Variants in PHLDB3 observed in about 807,000 individuals in gnomAD.
PHLDB3 encodes pleckstrin homology-like domain family B member 3.
Under a neutral mutation model 85.7 loss-of-function variants are expected in PHLDB3, and 86 were observed. That is an observed-to-expected ratio of 1.00 (90% CI 0.84 to 1.20). The LOEUF is 1.20. Ranked by LOEUF, PHLDB3 falls within the 50% of genes most tolerant of loss-of-function variation. The pLI is 0.00. For synonymous variants in PHLDB3, 376 were observed against 349.8 expected, an observed-to-expected ratio of 1.07 and a Z score of -0.83; for missense variants, 995 against 873.0, an observed-to-expected ratio of 1.14 and a Z score of -1.76.
intron 4 of PHLDB3, among the ~76,000 whole-genome samples, chr19:43,500,915 CCCCCA>C (rs1971576805): frequency 9.1e-6 from 1 of 109,458 alleles, no homozygotes; most frequent in Non-Finnish European, 2.0e-5. Flanking sequence ...CCGTACCCCC[CCCCCA>C]CCCCGCAAGT....
chr19:43,491,550 G>C (rs936267575), intron 9 of PHLDB3, among the ~76,000 whole-genome samples: 9 of 151,856 alleles, frequency 5.9e-5, no homozygotes, highest in Non-Finnish European at 7.4e-5. Flanking sequence ...TGCCCAGGCT[G>C]TCATGCAGTG....
At chr19:43,499,157 T>C (rs536502753) in intron 4 of PHLDB3, among the ~76,000 whole-genome samples, 1 of 150,874 alleles carries the variant, frequency 6.6e-6, no homozygotes, top group Admixed American at 6.6e-5. Context: ...GAAAAATAGA[T>C]GGACTAGACA....
chr19:43,495,627 C>G lies in PHLDB3; in HGVS notation c.826-7G>C. 6.2e-7 allele frequency: 1 copy of G among 1,605,332 alleles called. No homozygotes were observed. The highest frequency in any genetic ancestry group is 8.5e-7 in the Non-Finnish European group (1 of 1,176,268). ...GGTGCTGCAGAGCACCCCTCTGTCCCGGTTACTCATCTGTCACGGCCCCAG... is the reference window on the plus strand; with the variant it reads ...GGTGCTGCAGAGCACCCCTCTGTCCGGGTTACTCATCTGTCACGGCCCCAG... On this transcript the variant is annotated splice_polypyrimidine_tract_variant and splice_region_variant and intron_variant, in intron 6 of 15. Coordinates refer to ENST00000292140, the MANE Select transcript of PHLDB3 (RefSeq NM_198850.4).
At position 43,489,500 on chromosome 19, in the gene PHLDB3, T is replaced by C. The variant is rs1409581816; in HGVS notation, c.1150-2377A>G. 2.6e-5 allele frequency among the ~76,000 whole-genome samples: 4 copies of C among 151,868 alleles called. No homozygotes were observed. The East Asian group carries it at 5.8e-4, about 22-fold the overall frequency. ...TATCTCTGGGGAACACATGGGAAAT[T>C]GGTAACCCTGGTGGCCCTCAGGAAG... On this transcript the variant is annotated intron_variant, in intron 9 of 15. Coordinates refer to ENST00000292140, the MANE Select transcript of PHLDB3 (RefSeq NM_198850.4).
In PHLDB3 at chr19:43,479,559, C is replaced by T. The variant is rs1428651958; in HGVS notation, c.1520G>A (p.Arg507Gln). The change falls in exon 14 of 16, where the codon CGA (arginine) becomes CAA (glutamine). Residue 507 changes from arginine to glutamine, a missense_variant. Arg to Gln is a conservative substitution (Grantham distance 43, BLOSUM62 1). Transcript: ENST00000292140. The part of the protein sequence containing the change: ...PPTPPHPPGP[R>Q]ILDLRQHLEG... The stretch of plus-strand genomic sequence containing the variant: ...CAGATGCTGCCGGAGATCCAAGATT[C>T]GCGGGCCTGGAGGGTGGGGTGGGGT... 1.2e-5 allele frequency: 8 copies of T among 691,690 alleles called. No homozygotes were observed. Among genetic ancestry groups the T allele is most frequent in the East Asian group, 7.3e-5 (1 of 13,702 alleles). The allele number at this position is 691,690 out of a possible 1,614,324, so 42.8% of individuals were successfully genotyped here. A position where few individuals can be genotyped will look rare whatever the true frequency, so the allele number is the denominator to read the frequency against.
chr19:43,504,574 C>T lies in PHLDB3; in HGVS notation c.-15+15G>A. ...GACCCCACTGTGCAGGGCAACCGTG[C>T]CCACGCCGCCTCACCCAGGGATCCA... is the stretch of plus-strand genomic sequence containing the variant. On this transcript the variant is annotated intron_variant, in intron 1 of 15. Transcript: ENST00000292140. The T allele has an allele frequency of 6.1e-6, 1 of 164,606 alleles. No individual in the cohort carries two copies. 10.2% of individuals were successfully genotyped at this position (164,606 alleles called of 1,614,324 possible).
In PHLDB3 at chr19:43,495,180, T is replaced by C. The variant is rs539472423; in HGVS notation, c.1035+76A>G. 111 of 1,186,284 alleles carry C rather than the reference T, an allele frequency of 9.4e-5. No individual in the cohort carries two copies. The East Asian group carries it at 2.9e-3, about 31-fold the overall frequency. The allele number at this position is 1,186,284 out of a possible 1,614,324, so 73.5% of individuals were successfully genotyped here. A position where few individuals can be genotyped will look rare whatever the true frequency, so the allele number is the denominator to read the frequency against. ...GGGCTAGGGCCTGGACTCCTGCGTC[T>C]GAGGGAGGAGGGGCTGGGGACTGGA... On this transcript the variant is annotated intron_variant, in intron 8 of 15. Transcript: ENST00000292140.
At chr19:43,502,888 C>CT in intron 2 of PHLDB3, among the ~76,000 whole-genome samples, 1 of 152,188 alleles carries the variant, frequency 6.6e-6, no homozygotes, top group Admixed American at 6.5e-5. Flanking sequence ...AAAGGTGTTT[C>CT]TTTTTCTCTA....
Position 43,497,135 on chromosome 19 carries a change from T to A in PHLDB3, c.808A>T (p.Ser270Cys). The change falls in exon 6 of 16, where the codon AGC (serine) becomes TGC (cysteine). Residue 270 changes from serine (S) to cysteine (C), a missense_variant. Ser to Cys is a moderately radical substitution (Grantham distance 112). Coordinates refer to ENST00000292140, the MANE Select transcript of PHLDB3 (RefSeq NM_198850.4). Reference sequence around the variant, plus strand: ...TGACTCACTCTGTGCTGCGCCATGCTGGCCTGGAGTTCCTGGACCTTGGGG... The same window carrying A: ...TGACTCACTCTGTGCTGCGCCATGCAGGCCTGGAGTTCCTGGACCTTGGGG... Reference protein sequence around the residue: ...PDPKVQELQASMAQHRRGALQ... With the variant: ...PDPKVQELQACMAQHRRGALQ... 1.3e-6 allele frequency: 2 copies of A among 1,539,292 alleles called. No homozygotes were observed. Among genetic ancestry groups the A allele is most frequent in the Non-Finnish European group, 1.7e-6 (2 of 1,147,804 alleles).
intron 9 of PHLDB3, among the ~76,000 whole-genome samples, chr19:43,494,274 T>G (rs1452092030): frequency 1.3e-5 from 2 of 152,042 alleles, no homozygotes; most frequent in Non-Finnish European, 2.9e-5. Context: ...CCTCCCAAAG[T>G]GCTGGGATTA....
chr19:43,483,832 T>A (rs529151975), intron 13 of PHLDB3, among the ~76,000 whole-genome samples: 1 of 152,274 alleles, frequency 6.6e-6, no homozygotes, highest in South Asian at 2.1e-4. Flanking sequence ...ATAAATCAAC[T>A]GTGAAAAGAT....
In PHLDB3 at chr19:43,488,877, G is replaced by T. The variant is rs932192913; in HGVS notation, c.1150-1754C>A. On this transcript the variant is annotated intron_variant, in intron 9 of 15. Coordinates refer to ENST00000292140, the MANE Select transcript of PHLDB3 (RefSeq NM_198850.4). The stretch of plus-strand genomic sequence containing the variant: ...TGCAGTAGCACAATCTCGGCTCATT[G>T]CAACCTCCGCCTCCTGGGTTCAAGC... 2.7e-5 allele frequency among the ~76,000 whole-genome samples: 4 copies of T among 150,940 alleles called. No homozygotes were observed. In the South Asian group the frequency reaches 8.4e-4, roughly 32 times the overall value.
rs1360748410 is a variant in PHLDB3, at chr19:43,475,378, G to T, written c.*32C>A. 1.9e-6 allele frequency: 3 copies of T among 1,605,882 alleles called. No homozygotes were observed. The highest frequency in any genetic ancestry group is 2.6e-6 in the Non-Finnish European group (3 of 1,174,520). ...CCGCGCCCCGCGCCGGCGGAGCCTC[G>T]AAGGGACTTCCCCCCAAGAGGGCGG... On this transcript the variant is annotated 3_prime_UTR_variant, in exon 16 of 16. Transcript: ENST00000292140.
rs535226353 is a variant in PHLDB3 at position 43,497,605 on chromosome 19, G to A, written c.663+143C>T. The A allele has an allele frequency of 8.8e-5, 80 of 906,216 alleles. 1 individual carries two copies. The highest frequency in any genetic ancestry group is 8.7e-4 in the Admixed American group (33 of 38,070). 56.1% of individuals were successfully genotyped at this position (906,216 alleles called of 1,614,324 possible). ...TGCGCACCTGTAGTCCCAGCTACAC[G>A]GGAGGCTGAGATGGGAGAATCGCTT... On this transcript the variant is annotated intron_variant, in intron 5 of 15. Coordinates refer to ENST00000292140, the MANE Select transcript of PHLDB3 (RefSeq NM_198850.4).
chr19:43,480,733 C>T (rs1264251799), intron 13 of PHLDB3, among the ~76,000 whole-genome samples: 3 of 152,170 alleles, frequency 2.0e-5, no homozygotes, highest in Non-Finnish European at 4.4e-5. Flanking sequence ...CATTTATCTC[C>T]GTTTCACAGA....
intron 9 of PHLDB3, among the ~76,000 whole-genome samples, chr19:43,492,159 G>A (rs980599339): frequency 1.3e-5 from 2 of 151,766 alleles, no homozygotes; most frequent in Non-Finnish European, 2.9e-5. Context: ...CACCATGTTG[G>A]CCAGGCTGGT....
chr19:43,487,816 T>A (rs1218504516), intron 9 of PHLDB3, among the ~76,000 whole-genome samples: 1 of 152,084 alleles, frequency 6.6e-6, no homozygotes, highest in Non-Finnish European at 1.5e-5. Flanking sequence ...AATGAATGAA[T>A]TGTATAGGGA....
chr19:43,496,016 C>CT lies in PHLDB3; in HGVS notation c.826-397dup, dbSNP rs199561319. The CT allele has an allele frequency of 8.8e-3, 1,235 of 140,080 alleles. 5 individuals are homozygous for CT. The highest frequency in any genetic ancestry group is 0.018 in the African/African-American group (659 of 37,502). The allele number at this position is 140,080 out of a possible 1,614,324, so 8.7% of individuals were successfully genotyped here. On this transcript the variant is annotated intron_variant, in intron 6 of 15. Coordinates refer to ENST00000292140, the MANE Select transcript of PHLDB3 (RefSeq NM_198850.4). Reference sequence around the variant, plus strand: ...GGGGAAAGGAGACCCAAGAAAAGCTCTTTTTTTTTTTTTTTTTGAGATGGA... The same window carrying CT: ...GGGGAAAGGAGACCCAAGAAAAGCTCTTTTTTTTTTTTTTTTTTGAGATGGA...
chr19:43,490,071 GAGGA>G (rs1382918783), intron 9 of PHLDB3, among the ~76,000 whole-genome samples: 2 of 142,930 alleles, frequency 1.4e-5, no homozygotes, highest in African/African-American at 2.5e-5. Flanking sequence ...GGAAGGGAAG[GAGGA>G]AGGGAGGGAG....
Sources: gnomAD v4.1 joint callset for allele counts (sites outside exome capture counted in the v4.1 genomes callset) on GRCh38, gnomAD v4.1.1 for gene constraint, MANE v1.5 for transcripts, NCBI Gene and HGNC (gene_info 2026-07-23, HGNC 2026-07-21) for gene names.